DLGAP1: variants seen among roughly 807,000 people sequenced by gnomAD.
The protein encoded by DLGAP1 is DLG associated protein 1.
DLGAP1 carries 11 observed loss-of-function variants against 90.8 expected under a neutral mutation model. The ratio of observed to expected loss-of-function variants is 0.12; its 90% CI spans 0.08 to 0.20. DLGAP1 has a LOEUF of 0.20. Ranked by LOEUF, DLGAP1 falls within the 10% of genes least tolerant of loss-of-function variation. The pLI is 1.00. For missense variants in DLGAP1, 1,050 were observed against 1,333.8 expected, an observed-to-expected ratio of 0.79 and a Z score of 3.31; for synonymous variants, 558 against 540.7, an observed-to-expected ratio of 1.03 and a Z score of -0.44.
chr18:3,819,038 G>A (rs1164784950), intron 4 of DLGAP1, among the ~76,000 whole-genome samples: 2 of 151,800 alleles, frequency 1.3e-5, no homozygotes, highest in Admixed American at 6.6e-5. Context: ...ACGGCCGGAC[G>A]CGGTGGCTCA....
chr18:3,645,519 G>A (rs574025181), intron 7 of DLGAP1, among the ~76,000 whole-genome samples: 1 of 152,242 alleles, frequency 6.6e-6, no homozygotes, highest in East Asian at 1.9e-4. Flanking sequence ...AGGGCTAGGC[G>A]TTTTTCATCC....
chr18:3,536,382 C>G (rs1331173561), intron 9 of DLGAP1, among the ~76,000 whole-genome samples: 1 of 151,866 alleles, frequency 6.6e-6, no homozygotes, highest in African/African-American at 2.4e-5. Flanking sequence ...CACCACCATG[C>G]CCATCTAATT....
chr18:4,357,726 T>A (rs2081552198), intron 1 of DLGAP1, among the ~76,000 whole-genome samples: 1 of 152,234 alleles, frequency 6.6e-6, no homozygotes. Flanking sequence ...GTCTCACTGC[T>A]GCAAGGTCAG....
At chr18:4,210,614 A>C (rs147261492) in intron 1 of DLGAP1, among the ~76,000 whole-genome samples, 2 of 152,206 alleles carry the variant, frequency 1.3e-5, no homozygotes, top group Non-Finnish European at 2.9e-5. Context: ...GGAATGGAAA[A>C]CTCTGCAGAT....
chr18:3,635,423 G>A (rs7242977), intron 7 of DLGAP1, among the ~76,000 whole-genome samples: 53,508 of 150,858 alleles, frequency 0.35, 11,852 homozygotes, highest in African/African-American at 0.61. Context: ...ACAGGCGTGA[G>A]CCACCGCGCC....
At chr18:3,614,501 T>C (rs76444665) in intron 7 of DLGAP1, among the ~76,000 whole-genome samples, 1 of 152,058 alleles carries the variant, frequency 6.6e-6, no homozygotes, top group African/African-American at 2.4e-5. Context: ...GAAAATACCA[T>C]GGTGGCAAAT....
chr18:3,626,627 T>C (rs1290372361), intron 7 of DLGAP1, among the ~76,000 whole-genome samples: 1 of 147,146 alleles, frequency 6.8e-6, no homozygotes, highest in East Asian at 2.0e-4. Flanking sequence ...AAAAGAAAGC[T>C]GGATGTGGTA....
intron 1 of DLGAP1, among the ~76,000 whole-genome samples, chr18:4,311,112 G>T (rs995365992): frequency 5.3e-5 from 8 of 152,148 alleles, no homozygotes; most frequent in Admixed American, 5.2e-4. Context: ...TACAAAGTAA[G>T]CCCAGGTATT....
At chr18:3,586,490 G>C (rs536426337) in intron 7 of DLGAP1, among the ~76,000 whole-genome samples, 1 of 151,886 alleles carries the variant, frequency 6.6e-6, no homozygotes, top group African/African-American at 2.4e-5. Context: ...CTTCATGACT[G>C]CTTTTTTTTT....
At chr18:4,220,212 A>G (rs2078045753) in intron 1 of DLGAP1, among the ~76,000 whole-genome samples, 1 of 152,086 alleles carries the variant, frequency 6.6e-6, no homozygotes, top group African/African-American at 2.4e-5. Flanking sequence ...ACCCCTAAGT[A>G]TTTTGTATGC....
intron 6 of DLGAP1, among the ~76,000 whole-genome samples, chr18:3,736,869 G>A (rs1006659276): frequency 1.2e-4 from 18 of 150,624 alleles, no homozygotes; most frequent in African/African-American, 1.7e-4. Context: ...TAGATAGACC[G>A]CTAGCAAGAC....
At chr18:4,137,580 C>CT (rs2076427018) in intron 2 of DLGAP1, among the ~76,000 whole-genome samples, 1 of 152,062 alleles carries the variant, frequency 6.6e-6, no homozygotes, top group African/African-American at 2.4e-5. Context: ...CAGCTTTGTT[C>CT]TTTTTGCTCA....
intron 3 of DLGAP1, among the ~76,000 whole-genome samples, chr18:3,974,136 G>A (rs1156489702): frequency 6.6e-6 from 1 of 151,826 alleles, no homozygotes; most frequent in Admixed American, 6.6e-5. Context: ...GTGCAGTGGC[G>A]CAATCTCGGC....
At chr18:3,818,587 T>C (rs755284550) in intron 4 of DLGAP1, among the ~76,000 whole-genome samples, 2 of 151,694 alleles carry the variant, frequency 1.3e-5, no homozygotes, top group African/African-American at 2.4e-5. Flanking sequence ...CTTGAACATA[T>C]TGAAAGAACT....
chr18:3,915,339 A>G (rs527598839), intron 3 of DLGAP1, among the ~76,000 whole-genome samples: 1 of 152,352 alleles, frequency 6.6e-6, no homozygotes, highest in East Asian at 1.9e-4. Context: ...AAAGCACACT[A>G]GCTGAGCTTT....
At chr18:3,614,985 G>A (rs923666829) in intron 7 of DLGAP1, among the ~76,000 whole-genome samples, 5 of 113,952 alleles carry the variant, frequency 4.4e-5, no homozygotes, top group South Asian at 3.4e-4. Context: ...GCAATGGCAC[G>A]ATCTCGGCTC....
intron 1 of DLGAP1, among the ~76,000 whole-genome samples, chr18:4,359,370 T>C (rs11873242): frequency 0.022 from 3,340 of 152,302 alleles, 59 homozygotes; most frequent in African/African-American, 0.048. Flanking sequence ...GGAACGTCTT[T>C]ATCGCTGAAG....
intron 10 of DLGAP1, among the ~76,000 whole-genome samples, chr18:3,523,725 T>A (rs945465713): frequency 6.6e-6 from 1 of 151,832 alleles, no homozygotes; most frequent in African/African-American, 2.4e-5. Context: ...CGTGCGCCCG[T>A]AGTCCCAGCT....
Position 4,205,918 on chromosome 18 carries a change from G to A in DLGAP1, c.-266-54631C>T, listed in dbSNP as rs552487838. Among the ~76,000 whole-genome samples, 5 of 152,316 alleles carry A rather than the reference G, an allele frequency of 3.3e-5. No homozygotes were observed. The South Asian group carries it at 1.0e-3, about 32-fold the overall frequency. ...GTAACTCATGTAGTGTGAAGGATGGGCGTGGGGGTAGAGGGCCGGTGAGAA... is the reference window on the plus strand; with the variant it reads ...GTAACTCATGTAGTGTGAAGGATGGACGTGGGGGTAGAGGGCCGGTGAGAA... On this transcript the variant is annotated intron_variant, in intron 1 of 12. Transcript: ENST00000315677.
Sources: gnomAD v4.1 joint callset for allele counts (sites outside exome capture counted in the v4.1 genomes callset) on GRCh38, gnomAD v4.1.1 for gene constraint, MANE v1.5 for transcripts, NCBI Gene and HGNC (gene_info 2026-07-23, HGNC 2026-07-21) for gene names.